Variants in EGF observed in about 807,000 individuals in gnomAD.
The protein encoded by EGF is pro-epidermal growth factor.
Under a neutral mutation model 143.8 loss-of-function variants are expected in EGF, and 95 were observed. That is an observed-to-expected ratio of 0.66 (90% CI 0.56 to 0.78). EGF has a LOEUF of 0.78. Among genes scored for constraint, EGF ranks in the 30% least tolerant of loss-of-function variants. The pLI is 0.00. For synonymous variants in EGF, 510 were observed against 510.5 expected, an observed-to-expected ratio of 1.00 and a Z score of 0.01; for missense variants, 1,320 against 1,470.9, an observed-to-expected ratio of 0.90 and a Z score of 1.68.
chr4:109,985,414 C>T (rs931473069), intron 16 of EGF, among the ~76,000 whole-genome samples: 2 of 152,228 alleles, frequency 1.3e-5, no homozygotes, highest in African/African-American at 2.4e-5. Flanking sequence ...AAATTCTTAA[C>T]GTGGCCTTTT....
rs937343573 is a variant in EGF, at chr4:109,964,551, A to G, written c.1575+14A>G. ...GTGGAAAATAAGGTATGGTTTTGTT[A>G]CTTGAACAGATGTGGACATGCTTTA... On this transcript the variant is annotated intron_variant, in intron 10 of 23. Coordinates refer to ENST00000265171, the MANE Select transcript of EGF (RefSeq NM_001963.6). 6.2e-7 allele frequency: 1 copy of G among 1,613,572 alleles called. No individual in the cohort carries two copies. Among genetic ancestry groups the G allele is most frequent in the Non-Finnish European group, 8.5e-7 (1 of 1,179,642 alleles).
intron 11 of EGF, among the ~76,000 whole-genome samples, chr4:109,972,989 A>G (rs1188818526): frequency 6.6e-6 from 1 of 152,186 alleles, no homozygotes; most frequent in African/African-American, 2.4e-5. Flanking sequence ...GAGGCCTTTA[A>G]CAGATGTTTA....
intron 21 of EGF, among the ~76,000 whole-genome samples, chr4:110,002,441 C>T (rs1050829691): frequency 6.6e-5 from 10 of 152,062 alleles, no homozygotes; most frequent in African/African-American, 1.9e-4. Context: ...TACAGTAAGC[C>T]GTGATTGCAC....
At position 110,011,708 on chromosome 4, in the gene EGF, C is replaced by G; in HGVS notation, c.*253C>G. 3.7e-6 allele frequency: 2 copies of G among 545,010 alleles called. No homozygotes were observed. Among genetic ancestry groups the G allele is most frequent in the Non-Finnish European group, 6.5e-6 (2 of 308,396 alleles). The allele number at this position is 545,010 out of a possible 1,614,324, so 33.8% of individuals were successfully genotyped here. ...TTATTAGAAACCCAAATTGGGACAA[C>G]AGTGCTTTGTAAATTGTGTTGTCTT... is the stretch of plus-strand genomic sequence containing the variant. On this transcript the variant is annotated 3_prime_UTR_variant, in exon 24 of 24. Transcript: ENST00000265171.
chr4:109,913,469 A>G lies in EGF; in HGVS notation c.127+7A>G, dbSNP rs749368824. 1.9e-6 allele frequency: 3 copies of G among 1,613,154 alleles called. No homozygotes were observed. The Admixed American group carries it at 5.0e-5, about 27-fold the overall frequency. The stretch of plus-strand genomic sequence containing the variant: ...GGGAATTCTACTTGTGTGGGTAAGT[A>G]CTCCAATGAAAAGGTGCTCCAGGTC... On this transcript the variant is annotated splice_region_variant and intron_variant, in intron 1 of 23. Transcript: ENST00000265171.
At chr4:109,941,982 C>A (rs533315698) in intron 2 of EGF, among the ~76,000 whole-genome samples, 38 of 152,336 alleles carry the variant, frequency 2.5e-4, no homozygotes, top group African/African-American at 8.9e-4. Context: ...AAAGTCCACA[C>A]TATTTTTTGT....
Position 109,999,537 on chromosome 4 carries a change from A to G in EGF, c.3006-142A>G. 16 of 1,025,960 alleles carry G rather than the reference A, an allele frequency of 1.6e-5. No homozygotes were observed. In the South Asian group the frequency reaches 2.1e-4, roughly 14 times the overall value. The allele number at this position is 1,025,960 out of a possible 1,614,324, so 63.6% of individuals were successfully genotyped here. ...TTGTAAATCATAGCGCTTTCAACTG[A>G]CCCCTGATGGATTTTCTATATGTTT... is the stretch of plus-strand genomic sequence containing the variant. On this transcript the variant is annotated intron_variant, in intron 20 of 23. Transcript: ENST00000265171.
chr4:109,994,738 ACTC>A lies in EGF; in HGVS notation c.2865_2867del (p.Pro958del), dbSNP rs1463877007. On this transcript the variant is annotated inframe_deletion, in exon 20 of 24. Coordinates refer to ENST00000265171, the MANE Select transcript of EGF (RefSeq NM_001963.6). ...AATGTCTTGGGTTCTTTTAGACTCT[ACTC>A]CACCCCCTCACCTCAGGGAAGATGA... 3 of 1,613,774 alleles carry A rather than the reference ACTC, an allele frequency of 1.9e-6. No homozygotes were observed. Among genetic ancestry groups the A allele is most frequent in the Non-Finnish European group, 2.5e-6 (3 of 1,179,980 alleles).
intron 1 of EGF, among the ~76,000 whole-genome samples, chr4:109,938,416 C>A (rs1372611618): frequency 2.6e-5 from 4 of 152,190 alleles, no homozygotes; most frequent in African/African-American, 9.6e-5. Context: ...CCATTTGTCT[C>A]ACCTTTTTTC....
At chr4:109,914,291 C>T (rs1030270757) in intron 1 of EGF, among the ~76,000 whole-genome samples, 24 of 152,164 alleles carry the variant, frequency 1.6e-4, no homozygotes, top group Admixed American at 1.1e-3. Flanking sequence ...ATAGCTGCCC[C>T]GACATTCCAT....
intron 5 of EGF, among the ~76,000 whole-genome samples, chr4:109,956,112 A>G (rs922834653): frequency 2.0e-5 from 3 of 152,244 alleles, no homozygotes; most frequent in Admixed American, 1.3e-4. Flanking sequence ...ATAAACTCAG[A>G]AGAATTTTTC....
chr4:109,927,996 G>A (rs1450662720), intron 1 of EGF, among the ~76,000 whole-genome samples: 2 of 152,114 alleles, frequency 1.3e-5, no homozygotes, highest in South Asian at 2.1e-4. Flanking sequence ...ATTACCTATA[G>A]CATAGGAACA....
Position 109,988,640 on chromosome 4 carries a change from A to C in EGF, c.2665A>C (p.Ile889Leu). ...PVCPPASSKC[I>L]NTEGGYVCRC... ...GTGCCCCCCTGCCTCCTCCAAGTGCATCAACACCGAAGGTGGTTATGTCTG... is the reference window on the plus strand; with the variant it reads ...GTGCCCCCCTGCCTCCTCCAAGTGCCTCAACACCGAAGGTGGTTATGTCTG... Residue 889 changes from isoleucine to leucine, a missense_variant, in exon 18 of 24, where the codon ATC becomes CTC. By Grantham distance (5) the Ile-to-Leu change is conservative. Around this residue, in one of 5 missense-constraint regions of EGF, gnomAD observed 1,186 missense variants for 1,313.7 expected, o/e 0.90. Coordinates refer to ENST00000265171, the MANE Select transcript of EGF (RefSeq NM_001963.6). The C allele has an allele frequency of 6.2e-7, 1 of 1,614,124 alleles. No individual in the cohort carries two copies. Among genetic ancestry groups the C allele is most frequent in the East Asian group, 2.2e-5 (1 of 44,886 alleles).
intron 5 of EGF, among the ~76,000 whole-genome samples, chr4:109,955,085 G>A (rs1744582557): frequency 6.6e-6 from 1 of 152,190 alleles, no homozygotes; most frequent in Non-Finnish European, 1.5e-5. Flanking sequence ...AGTCTTACAT[G>A]GAGTTTGAGG....
chr4:109,918,369 C>T lies in EGF; in HGVS notation c.127+4907C>T, dbSNP rs138729535. 2.4e-3 allele frequency among the ~76,000 whole-genome samples: 369 copies of T among 151,764 alleles called. 3 individuals carry two copies. The highest frequency in any genetic ancestry group is 8.3e-3 in the African/African-American group (344 of 41,358). ...GCGTGTGGTTGTGCTGAGATTCTTC[C>T]GGAAGGAGTGGAAGGCCAGATGATG... is the stretch of plus-strand genomic sequence containing the variant. On this transcript the variant is annotated intron_variant, in intron 1 of 23. Transcript: ENST00000265171.
chr4:109,919,338 T>TCTCTCA (rs1737360780), intron 1 of EGF, among the ~76,000 whole-genome samples: 1 of 119,316 alleles, frequency 8.4e-6, no homozygotes, highest in Non-Finnish European at 1.8e-5. Flanking sequence ...TCTCTCTCTC[T>TCTCTCA]CTCATCTCTC....
Position 109,941,129 on chromosome 4 carries a change from A to C in EGF, c.311A>C (p.Asn104Thr). 1.2e-6 allele frequency: 2 copies of C among 1,614,000 alleles called. No individual in the cohort carries two copies. Among genetic ancestry groups the C allele is most frequent in the Non-Finnish European group, 1.7e-6 (2 of 1,179,940 alleles). The change falls in exon 2 of 24, where the codon AAT (asparagine) becomes ACT (threonine). Residue 104 changes from asparagine (N) to threonine (T), a missense_variant. Transcript: ENST00000265171. The part of the protein sequence containing the change: ...ERQLLQRVFL[N>T]GSRQERVCNI... Reference sequence around the variant, plus strand: ...CAACTTTTGCAAAGAGTTTTTCTGAATGGGTCAAGGCAAGAGGTAAAATAC... The same window carrying C: ...CAACTTTTGCAAAGAGTTTTTCTGACTGGGTCAAGGCAAGAGGTAAAATAC...
chr4:109,966,998 T>C (rs1746711832), intron 10 of EGF, among the ~76,000 whole-genome samples: 1 of 152,232 alleles, frequency 6.6e-6, no homozygotes, highest in Admixed American at 6.5e-5. Context: ...AGGTTATCTG[T>C]TTACTCTGTT....
intron 5 of EGF, chr4:109,959,060 GCAACCTAAGAAATGA>G (rs1450683158): frequency 8.0e-6 from 4 of 497,214 alleles, no homozygotes; most frequent in Non-Finnish European, 1.5e-5. Flanking sequence ...TTTAGTATTC[GCAACCTAAGAAATGA>G]CATCTCCAGC....
Sources: gnomAD v4.1 joint callset for allele counts (sites outside exome capture counted in the v4.1 genomes callset) on GRCh38, gnomAD v4.1.1 for gene constraint, gnomAD v4.1.1 regional missense constraint, MANE v1.5 for transcripts, NCBI Gene and HGNC (gene_info 2026-07-23, HGNC 2026-07-21) for gene names.